The following PCF11 variants were observed in gnomAD, a reference collection of about 807,000 sequenced individuals.
The protein encoded by PCF11 is pre-mRNA cleavage complex 2 protein Pcf11.
PCF11 carries 19 observed loss-of-function variants against 166.1 expected under a neutral mutation model. The ratio of observed to expected loss-of-function variants is 0.11; its 90% CI spans 0.08 to 0.17. PCF11 has a LOEUF of 0.17. Ranked by LOEUF, PCF11 falls within the 10% of genes least tolerant of loss-of-function variation. The probability of loss-of-function intolerance (pLI) is 1.00; values close to 1 mark genes in which losing one functional copy is unlikely to be tolerated. For synonymous variants in PCF11, 663 were observed against 644.1 expected (o/e 1.03, Z -0.44); for missense variants, 1,565 against 1,855.5 (o/e 0.84, Z 2.88).
At chr11:83,181,032 A>G (rs369574667) in exon 12 of PCF11, 38 of 1,578,192 alleles carry the variant, frequency 2.4e-5, no homozygotes, top group Admixed American at 1.9e-4. Context: ...TTATAAATCG[A>G]CTGTACACTG....
intron 9 of PCF11, among the ~76,000 whole-genome samples, chr11:83,176,353 T>C (rs1011588560): frequency 6.6e-6 from 1 of 152,216 alleles, no homozygotes; most frequent in Non-Finnish European, 1.5e-5. Flanking sequence ...CCCAAAGGAT[T>C]ATAAATCATG....
intron 1 of PCF11, 26 bp downstream of exon 1, chr11:83,157,657 ATTAC>A (rs1222441605): frequency 6.3e-7 from 1 of 1,586,342 alleles, no homozygotes; most frequent in East Asian, 2.2e-5. Context: ...GCAGCCTCCT[ATTAC>A]TTCTAATACT....
At chr11:83,173,347 C>G (rs1262229745) in intron 9 of PCF11, among the ~76,000 whole-genome samples, 1 of 151,974 alleles carries the variant, frequency 6.6e-6, no homozygotes, top group Non-Finnish European at 1.5e-5. Flanking sequence ...CCCAGCTACT[C>G]AGGAGACTGA....
chr11:83,168,367 A>G, intron 7 of PCF11, 61 bp from the exon 8 acceptor site: 1 of 1,399,524 alleles, frequency 7.1e-7, no homozygotes, highest in Non-Finnish European at 9.6e-7. Context: ...ATAAACATTC[A>G]TACGAAAATA....
At chr11:83,183,920 G>C (rs1861173642) in intron 15 of PCF11, among the ~76,000 whole-genome samples, 1 of 151,862 alleles carries the variant, frequency 6.6e-6, no homozygotes, top group Admixed American at 6.5e-5. Flanking sequence ...GGGAGGCCGA[G>C]GCGAGTGGAT....
chr11:83,167,777 A>C lies in PCF11; in HGVS notation c.2092+272A>C, dbSNP rs1466061435. On this transcript the variant is annotated intron_variant, in intron 7 of 15. Coordinates refer to ENST00000298281, the Ensembl canonical transcript of PCF11. This position sits in a 1 kb window ranked among gnomAD's most constrained non-coding sequence, Gnocchi z 4.2. ...GGAATAGTGGAGCACAGTTTGACAGAAAAGAACAATTTAGTGAAAGAGCAA... is the reference window on the plus strand; with the variant it reads ...GGAATAGTGGAGCACAGTTTGACAGCAAAGAACAATTTAGTGAAAGAGCAA... The C allele has an allele frequency of 1.4e-6, 2 of 1,410,832 alleles. No individual in the cohort carries two copies. The highest frequency in any genetic ancestry group is 3.5e-5 in the East Asian group (1 of 28,820). 87.4% of individuals were successfully genotyped at this position (1,410,832 alleles called of 1,614,324 possible). A position where few individuals can be genotyped will look rare whatever the true frequency, so the allele number is the denominator to read the frequency against.
In PCF11 at chr11:83,168,279, A is replaced by C. The variant is rs1860543686; in HGVS notation, c.2093-149A>C. The C allele has an allele frequency of 7.0e-6, 5 of 717,304 alleles. No individual in the cohort carries two copies. In the East Asian group the frequency reaches 1.4e-4, roughly 20 times the overall value. The allele number at this position is 717,304 out of a possible 1,614,324, so 44.4% of individuals were successfully genotyped here. A position where few individuals can be genotyped will look rare whatever the true frequency, so the allele number is the denominator to read the frequency against. ...GTTACTCAGGTGTGTCTGACTCTAG[A>C]GGGCATCCTCTTATCTGCTGCTTTA... On this transcript the variant is annotated intron_variant, in intron 7 of 15. Transcript: ENST00000298281.
intron 4 of PCF11, among the ~76,000 whole-genome samples, chr11:83,165,362 A>G (rs1242694511): frequency 2.0e-5 from 3 of 152,196 alleles, no homozygotes; most frequent in South Asian, 4.1e-4. Flanking sequence ...TTTTCATTCT[A>G]TTTAGAGATT....
Position 83,182,505 on chromosome 11 carries a change from C to T in PCF11, c.4416+14C>T. 1.7e-5 allele frequency: 21 copies of T among 1,240,484 alleles called. No individual in the cohort carries two copies. Among genetic ancestry groups the T allele is most frequent in the Non-Finnish European group, 2.4e-5 (20 of 844,146 alleles). 76.8% of individuals were successfully genotyped at this position (1,240,484 alleles called of 1,614,324 possible). A position where few individuals can be genotyped will look rare whatever the true frequency, so the allele number is the denominator to read the frequency against. On this transcript the variant is annotated intron_variant, in intron 14 of 15. Transcript: ENST00000298281. ...GTAGATGGAAAGGTAATTTTCATTT[C>T]TTTATAAGGAAGTGTTAAGATTAGT...
At chr11:83,179,966 C>T (rs1482237227) in intron 11 of PCF11, among the ~76,000 whole-genome samples, 5 of 152,024 alleles carry the variant, frequency 3.3e-5, no homozygotes, top group African/African-American at 7.2e-5. Flanking sequence ...TTGTAGTGTC[C>T]TACTAACTCC....
At position 83,184,772 on chromosome 11, in the gene PCF11, GA is replaced by G; in HGVS notation, c.4548del (p.Glu1516AspfsTer24). On this transcript the variant is annotated frameshift_variant, in exon 16 of 16. Coordinates refer to ENST00000298281, the Ensembl canonical transcript of PCF11. LOFTEE classifies it high-confidence loss of function. ...GAACATTGTCAAAAACGAATTGCAGGAACCCTGTGACAGTCCCAAAGTTAAG... is the reference window on the plus strand; with the variant it reads ...GAACATTGTCAAAAACGAATTGCAGGACCCTGTGACAGTCCCAAAGTTAAG... The G allele has an allele frequency of 6.2e-7, 1 of 1,612,220 alleles. No individual in the cohort carries two copies. Among genetic ancestry groups the G allele is most frequent in the Non-Finnish European group, 8.5e-7 (1 of 1,179,170 alleles).
intron 11 of PCF11, 128 bp downstream of exon 11, chr11:83,177,947 C>CTTT (rs35271382): frequency 8.3e-4 from 252 of 302,106 alleles, no homozygotes; most frequent in African/African-American, 4.4e-3. Context: ...TTTAGGAAGT[C>CTTT]TTTTTTTTTT....
intron 9 of PCF11, among the ~76,000 whole-genome samples, chr11:83,175,551 G>T (rs1860846909): frequency 6.6e-6 from 1 of 152,084 alleles, no homozygotes; most frequent in Non-Finnish European, 1.5e-5. Flanking sequence ...AGGAGATCAG[G>T]ACCATCCTGG....
intron 11 of PCF11, among the ~76,000 whole-genome samples, chr11:83,178,460 T>G (rs1328158086): frequency 6.6e-6 from 1 of 152,110 alleles, no homozygotes; most frequent in East Asian, 1.9e-4. Flanking sequence ...TTAACATTTT[T>G]GAGGTTCAGA....
At chr11:83,160,054 G>A (rs1860171326) in intron 1 of PCF11, among the ~76,000 whole-genome samples, 1 of 152,108 alleles carries the variant, frequency 6.6e-6, no homozygotes, top group African/African-American at 2.4e-5. Flanking sequence ...ACATGCAGTG[G>A]GTGAACCCTT....
chr11:83,171,916 T>A lies in PCF11; in HGVS notation c.3757+2T>A. ...CTGGATTTGTTCAGAATCCTTCAGGTATGTACTTTCTGAACTTTGTTTTTC... is the reference window on the plus strand; with the variant it reads ...CTGGATTTGTTCAGAATCCTTCAGGAATGTACTTTCTGAACTTTGTTTTTC... On this transcript the variant is annotated splice_donor_variant, in intron 9 of 15. Coordinates refer to ENST00000298281, the Ensembl canonical transcript of PCF11. LOFTEE classifies it high-confidence loss of function. The A allele has an allele frequency of 7.0e-7, 1 of 1,430,852 alleles. No individual in the cohort carries two copies. The highest frequency in any genetic ancestry group is 9.8e-7 in the Non-Finnish European group (1 of 1,017,248). The allele number at this position is 1,430,852 out of a possible 1,614,324, so 88.6% of individuals were successfully genotyped here.
At position 83,182,862 on chromosome 11, in the gene PCF11, C is replaced by G. The variant is rs551043499; in HGVS notation, c.4417-176C>G. 7.2e-5 allele frequency among the ~76,000 whole-genome samples: 11 copies of G among 152,286 alleles called. 1 individual carries two copies. The highest frequency in any genetic ancestry group is 3.4e-3 in the Middle Eastern group (1 of 292). ...GATACTTAAATGGGCCAAGAGAAGT[C>G]AGTTTTTCAGACTCTTTAAGCATAA... On this transcript the variant is annotated intron_variant, in intron 14 of 15. Transcript: ENST00000298281.
chr11:83,181,916 A>G (rs1861100065), exon 13 of PCF11: 1 of 1,612,024 alleles, frequency 6.2e-7, no homozygotes, highest in East Asian at 2.2e-5. Context: ...AGTTTTTTGA[A>G]AAGGTGCATG....
At chr11:83,172,711 C>T (rs928944713) in intron 9 of PCF11, among the ~76,000 whole-genome samples, 11 of 152,134 alleles carry the variant, frequency 7.2e-5, no homozygotes, top group African/African-American at 7.2e-5. Flanking sequence ...CCACCATGCC[C>T]GGCAAAATGA....
Sources: gnomAD v4.1 joint callset for allele counts (sites outside exome capture counted in the v4.1 genomes callset) on GRCh38, gnomAD v4.1.1 for gene constraint, Gnocchi (gnomAD v3.1) non-coding constraint, MANE v1.5 for transcripts, NCBI Gene and HGNC (gene_info 2026-07-23, HGNC 2026-07-21) for gene names.